FSTL4: variants seen among roughly 807,000 people sequenced by gnomAD.
The protein encoded by FSTL4 is follistatin like 4.
A neutral mutation model predicts 78.2 loss-of-function variants in FSTL4; 28 were observed. The observed-to-expected ratio is 0.36, with a 90% CI of 0.27 to 0.49. FSTL4 has a LOEUF of 0.49. Among genes scored for constraint, FSTL4 ranks in the 20% least tolerant of loss-of-function variants. The pLI, the probability that FSTL4 is intolerant of heterozygous loss-of-function variation, is 0.98. For synonymous variants in FSTL4, 422 were observed against 440.5 expected, an observed-to-expected ratio of 0.96 and a Z score of 0.53; for missense variants, 922 against 1,084.9, an observed-to-expected ratio of 0.85 and a Z score of 2.11.
the FSTL4 span, among the ~76,000 whole-genome samples, chr5:133,819,101 C>T: frequency 1.3e-5 from 2 of 150,588 alleles, no homozygotes; most frequent in Non-Finnish European, 2.9e-5. Flanking sequence ...TGGGTCGGAA[C>T]CTGCTGTTTC....
At chr5:133,821,910 A>C in the FSTL4 span, among the ~76,000 whole-genome samples, 95 of 152,338 alleles carry the variant, frequency 6.2e-4, no homozygotes, top group African/African-American at 2.1e-3. Flanking sequence ...CAGGAGGATC[A>C]GATGCCAAGG....
intron 4 of FSTL4, among the ~76,000 whole-genome samples, chr5:133,396,511 A>G (rs1756051834): frequency 6.6e-6 from 1 of 152,176 alleles, no homozygotes; most frequent in Non-Finnish European, 1.5e-5. Context: ...GCCTGACAGC[A>G]TCACAGCCCT....
chr5:133,734,042 T>G, the FSTL4 span, among the ~76,000 whole-genome samples: 313 of 152,352 alleles, frequency 2.1e-3, 2 homozygotes, highest in African/African-American at 7.1e-3. Flanking sequence ...TAAAGCCAAG[T>G]GTCTTCTATA....
intron 4 of FSTL4, among the ~76,000 whole-genome samples, chr5:133,352,114 T>C (rs1754835073): frequency 6.6e-6 from 1 of 151,864 alleles, no homozygotes; most frequent in South Asian, 2.1e-4. Context: ...TGTGTGATGC[T>C]GGGGTTTAAA....
chr5:133,425,037 A>G (rs1163483726), intron 3 of FSTL4, among the ~76,000 whole-genome samples: 1 of 152,212 alleles, frequency 6.6e-6, no homozygotes, highest in Admixed American at 6.5e-5. Flanking sequence ...TAACTATTAG[A>G]CTGTGGATTA....
Position 133,233,480 on chromosome 5 carries a change from T to C in FSTL4, c.952A>G (p.Asn318Asp). The change falls in exon 8 of 16, where the codon AAT becomes GAT. Residue 318 changes from asparagine to aspartate, a missense_variant. Coordinates refer to ENST00000265342, the MANE Select transcript of FSTL4 (RefSeq NM_015082.2). ...ITKVTTIHMG[N>D]YTCHASGHEQ... is the part of the protein sequence containing the mutation. ...TGGCCGGAAGCATGGCAGGTGTAAT[T>C]GCCCATGTGGATGGTGGTCACCTTG... 1 of 1,614,202 alleles carries C rather than the reference T, an allele frequency of 6.2e-7. No homozygotes were observed. Among genetic ancestry groups the C allele is most frequent in the Non-Finnish European group, 8.5e-7 (1 of 1,180,018 alleles).
chr5:133,422,356 G>C (rs1184505406), intron 3 of FSTL4, among the ~76,000 whole-genome samples: 1 of 152,136 alleles, frequency 6.6e-6, no homozygotes, highest in African/African-American at 2.4e-5. Flanking sequence ...GAAGCAGGGA[G>C]GCAGCCTAGG....
the FSTL4 span, among the ~76,000 whole-genome samples, chr5:133,725,558 C>T: frequency 2.6e-5 from 4 of 152,212 alleles, no homozygotes; most frequent in Admixed American, 6.5e-5. Flanking sequence ...TATTTCACTC[C>T]TGTCTTTTAC....
rs1222613570 is a variant in FSTL4 at position 133,197,706 on chromosome 5, C to T, written c.*1389G>A. The T allele has an allele frequency of 6.6e-6, 1 of 152,210 alleles. No individual in the cohort carries two copies. Among genetic ancestry groups the T allele is most frequent in the East Asian group, 1.9e-4 (1 of 5,184 alleles). The allele number at this position is 152,210 out of a possible 1,614,324, so 9.4% of individuals were successfully genotyped here. On this transcript the variant is annotated 3_prime_UTR_variant, in exon 16 of 16. Coordinates refer to ENST00000265342, the MANE Select transcript of FSTL4 (RefSeq NM_015082.2). ...TGTGGTGAGACCACCTCTCCCAACC[C>T]GTGTGGCTTGCAAAATGATCATTCA...
chr5:133,348,205 G>A (rs1004502702), intron 4 of FSTL4, among the ~76,000 whole-genome samples: 1 of 152,216 alleles, frequency 6.6e-6, no homozygotes, highest in Non-Finnish European at 1.5e-5. Context: ...GAAAATGAAG[G>A]CTTTTGATTT....
intron 3 of FSTL4, among the ~76,000 whole-genome samples, chr5:133,503,703 C>T (rs2112880276): frequency 6.6e-6 from 1 of 152,320 alleles, no homozygotes; most frequent in South Asian, 2.1e-4. Context: ...ATATTCAGCC[C>T]AGTTCCCTGT....
the FSTL4 span, among the ~76,000 whole-genome samples, chr5:133,712,008 A>G: frequency 6.6e-6 from 1 of 152,148 alleles, no homozygotes; most frequent in African/African-American, 2.4e-5. Context: ...CACGGCTACA[A>G]AATACCCCGC....
chr5:133,663,318 T>C, the FSTL4 span, among the ~76,000 whole-genome samples: 1 of 152,244 alleles, frequency 6.6e-6, no homozygotes, highest in South Asian at 2.1e-4. Context: ...GGTATTATAG[T>C]TGTGTAAGAT....
At chr5:133,566,575 G>T (rs1760031759) in intron 3 of FSTL4, among the ~76,000 whole-genome samples, 1 of 152,132 alleles carries the variant, frequency 6.6e-6, no homozygotes, top group Non-Finnish European at 1.5e-5. Context: ...AGGTATTACT[G>T]AAAATGAATA....
chr5:133,567,151 TG>T, intron 3 of FSTL4, 34 bp downstream of exon 3: 1 of 1,488,372 alleles, frequency 6.7e-7, no homozygotes, highest in Non-Finnish European at 9.4e-7. Flanking sequence ...ATGTCAACAC[TG>T]AAAATAAAAT....
intron 6 of FSTL4, among the ~76,000 whole-genome samples, chr5:133,300,785 G>A (rs1051460635): frequency 6.6e-6 from 1 of 152,168 alleles, no homozygotes; most frequent in Non-Finnish European, 1.5e-5. Context: ...GTCTCTGGAG[G>A]TGCATTTATT....
chr5:133,273,841 G>A (rs925257227), intron 6 of FSTL4, among the ~76,000 whole-genome samples: 1 of 152,086 alleles, frequency 6.6e-6, no homozygotes, highest in African/African-American at 2.4e-5. Context: ...TCACTCCACC[G>A]TCCTTCCCCC....
chr5:133,675,397 A>G, the FSTL4 span, among the ~76,000 whole-genome samples: 1 of 152,242 alleles, frequency 6.6e-6, no homozygotes. Context: ...TAAACCAGCC[A>G]TTCTTTGCTA....
chr5:133,400,918 C>G lies in FSTL4; in HGVS notation c.229G>C (p.Val77Leu). ...GGCTCCCCTGTCTTCCTGCTGAGCA[C>G]GCACCGGCTCCCTCGGCTGCAGAAC... Reference protein sequence around the residue: ...KKFCSRGSRCVLSRKTGEPEC... With the variant: ...KKFCSRGSRCLLSRKTGEPEC... The change falls in exon 4 of 16, where the codon GTG becomes CTG. Residue 77 changes from valine (V) to leucine (L), a missense_variant. Transcript: ENST00000265342. The G allele has an allele frequency of 6.2e-7, 1 of 1,613,656 alleles. No homozygotes were observed.
Sources: gnomAD v4.1 joint callset for allele counts (sites outside exome capture counted in the v4.1 genomes callset) on GRCh38, gnomAD v4.1.1 for gene constraint, MANE v1.5 for transcripts, NCBI Gene and HGNC (gene_info 2026-07-23, HGNC 2026-07-21) for gene names.